Variants in RHBDD1 observed in about 807,000 individuals in gnomAD.
RHBDD1 encodes rhomboid-related protein 4.
A neutral mutation model predicts 36.3 loss-of-function variants in RHBDD1; 38 were observed. The ratio of observed to expected loss-of-function variants is 1.05; its 90% CI spans 0.81 to 1.37. The LOEUF is 1.37. Among genes scored for constraint, RHBDD1 ranks in the 40% most tolerant of loss-of-function variants. The probability of loss-of-function intolerance (pLI) is 0.00; values close to 1 mark genes in which losing one functional copy is unlikely to be tolerated. For synonymous variants in RHBDD1, 151 were observed against 136.5 expected, an observed-to-expected ratio of 1.11 and a Z score of -0.74; for missense variants, 393 against 377.6, an observed-to-expected ratio of 1.04 and a Z score of -0.34.
At chr2:226,816,402 A>T in the RHBDD1 span, among the ~76,000 whole-genome samples, 217 of 151,958 alleles carry the variant, frequency 1.4e-3, no homozygotes, top group African/African-American at 4.8e-3. Context: ...AAAAAGAAAA[A>T]AAACAAGTTG....
intron 5 of RHBDD1, among the ~76,000 whole-genome samples, chr2:226,886,887 G>A (rs970710456): frequency 2.6e-5 from 4 of 151,868 alleles, no homozygotes; most frequent in Admixed American, 2.6e-4. Flanking sequence ...AACTAGAAAA[G>A]GAACAAATAA....
chr2:226,926,196 A>G (rs1949660165), intron 8 of RHBDD1, among the ~76,000 whole-genome samples: 1 of 150,884 alleles, frequency 6.6e-6, no homozygotes, highest in South Asian at 2.1e-4. Context: ...TGGCTAACAC[A>G]GTGAAACCCC....
intron 5 of RHBDD1, among the ~76,000 whole-genome samples, chr2:226,887,619 A>G (rs746260078): frequency 2.0e-5 from 3 of 152,262 alleles, no homozygotes; most frequent in Non-Finnish European, 2.9e-5. Flanking sequence ...CTAATGAAAG[A>G]CAGTGTGTAC....
chr2:226,816,112 A>T, the RHBDD1 span, among the ~76,000 whole-genome samples: 73 of 152,322 alleles, frequency 4.8e-4, no homozygotes, highest in African/African-American at 1.6e-3. Flanking sequence ...GACTAAGGTC[A>T]TCACATCTGG....
At chr2:226,821,312 CT>C in the RHBDD1 span, among the ~76,000 whole-genome samples, 1 of 151,896 alleles carries the variant, frequency 6.6e-6, no homozygotes, top group African/African-American at 2.4e-5. Context: ...CTAGTACTGG[CT>C]TTTTTTGTTT....
intron 3 of RHBDD1, among the ~76,000 whole-genome samples, chr2:226,855,982 A>T (rs1265547783): frequency 1.3e-5 from 2 of 152,190 alleles, no homozygotes; most frequent in East Asian, 1.9e-4. Flanking sequence ...GCTCTGGAAG[A>T]CATTTAATGG....
chr2:226,857,836 A>C (rs915535578), intron 3 of RHBDD1, among the ~76,000 whole-genome samples: 3 of 152,078 alleles, frequency 2.0e-5, no homozygotes, highest in Non-Finnish European at 4.4e-5. Context: ...AAGTCATGGA[A>C]ATTCTAGAAT....
rs1244748979 is a variant in RHBDD1, at chr2:226,995,590, CTAATTCATTT to C, written c.*82_*91del. The C allele has an allele frequency of 3.7e-6, 4 of 1,076,730 alleles. No individual in the cohort carries two copies. Among genetic ancestry groups the C allele is most frequent in the African/African-American group, 3.1e-5 (2 of 63,786 alleles). 66.7% of individuals were successfully genotyped at this position (1,076,730 alleles called of 1,614,324 possible). The stretch of plus-strand genomic sequence containing the variant: ...CCCATTTGGCTCATTCCCCAAGCCC[CTAATTCATTT>C]TAATTCATTTTAAACAAAAGCAGAG... On this transcript the variant is annotated 3_prime_UTR_variant, in exon 9 of 9. Transcript: ENST00000392062.
chr2:226,801,731 T>C, the RHBDD1 span, among the ~76,000 whole-genome samples: 11 of 152,130 alleles, frequency 7.2e-5, no homozygotes, highest in African/African-American at 2.2e-4. Flanking sequence ...TCTGGGGGTA[T>C]AGAGTGCCTT....
chr2:226,832,004 AT>A (rs1940756068), upstream of RHBDD1, among the ~76,000 whole-genome samples: 2 of 119,476 alleles, frequency 1.7e-5, no homozygotes, highest in Admixed American at 8.1e-5. Flanking sequence ...CATTTTCTCT[AT>A]TTTTGTTACT....
chr2:226,864,153 C>T (rs59739904), intron 3 of RHBDD1, among the ~76,000 whole-genome samples: 1 of 152,072 alleles, frequency 6.6e-6, no homozygotes, highest in African/African-American at 2.4e-5. Flanking sequence ...TTAAAACTTG[C>T]TTGTTGATGT....
At chr2:226,961,110 C>A (rs547820221) in intron 8 of RHBDD1, among the ~76,000 whole-genome samples, 42 of 152,292 alleles carry the variant, frequency 2.8e-4, no homozygotes, top group African/African-American at 9.9e-4. Context: ...ATGAAGGAAG[C>A]CCTTTGCAAG....
At chr2:226,952,667 T>A (rs1409380949) in intron 8 of RHBDD1, among the ~76,000 whole-genome samples, 4 of 152,194 alleles carry the variant, frequency 2.6e-5, no homozygotes, top group African/African-American at 9.6e-5. Flanking sequence ...TACATAATTT[T>A]AAAAATATAT....
chr2:226,904,418 G>C (rs536040090), intron 5 of RHBDD1, among the ~76,000 whole-genome samples: 2 of 148,714 alleles, frequency 1.3e-5, no homozygotes, highest in Non-Finnish European at 3.0e-5. Flanking sequence ...TGCAAGCGGG[G>C]GGGGAGGGGG....
chr2:226,946,432 G>A (rs1179318508), intron 8 of RHBDD1, among the ~76,000 whole-genome samples: 4 of 152,132 alleles, frequency 2.6e-5, no homozygotes, highest in African/African-American at 9.7e-5. Context: ...GTACCATGCT[G>A]TTTTGGCTAC....
chr2:226,847,051 G>T (rs1053445594), intron 3 of RHBDD1, among the ~76,000 whole-genome samples: 3 of 152,180 alleles, frequency 2.0e-5, no homozygotes, highest in African/African-American at 7.2e-5. Context: ...CTGTGAACTG[G>T]GGTAACTGAT....
the RHBDD1 span, among the ~76,000 whole-genome samples, chr2:226,813,483 C>A: frequency 6.6e-6 from 1 of 152,138 alleles, no homozygotes; most frequent in Non-Finnish European, 1.5e-5. Flanking sequence ...GTTGGATGTC[C>A]ACCCAGCATT....
intron 8 of RHBDD1, among the ~76,000 whole-genome samples, chr2:226,991,374 G>T (rs1025873515): frequency 1.3e-5 from 2 of 152,136 alleles, no homozygotes; most frequent in Admixed American, 6.5e-5. Context: ...TAGAGTCGGG[G>T]TTTCACCACG....
chr2:226,814,945 T>C, the RHBDD1 span, among the ~76,000 whole-genome samples: 20 of 152,290 alleles, frequency 1.3e-4, no homozygotes, highest in Middle Eastern at 3.4e-3. Flanking sequence ...CCCAGGGTCA[T>C]GGAGGCACCC....
Sources: gnomAD v4.1 joint callset for allele counts (sites outside exome capture counted in the v4.1 genomes callset) on GRCh38, gnomAD v4.1.1 for gene constraint, MANE v1.5 for transcripts, NCBI Gene and HGNC (gene_info 2026-07-23, HGNC 2026-07-21) for gene names.